The following YWHAZ variants were observed in gnomAD, a reference collection of about 807,000 sequenced individuals.
YWHAZ encodes the protein tyrosine 3-monooxygenase/tryptophan 5-monooxygenase activation protein zeta.
For missense variants in YWHAZ, 79 were observed against 284.8 expected (o/e 0.28, Z 5.20); for synonymous variants, 87 against 103.6 (o/e 0.84, Z 0.97).
At chr8:100,933,899 G>A (rs1411823308) in intron 2 of YWHAZ, among the ~76,000 whole-genome samples, 1 of 152,056 alleles carries the variant, frequency 6.6e-6, no homozygotes, top group East Asian at 1.9e-4. Flanking sequence ...GCTAACGCCT[G>A]TAATCCCAGC....
At position 100,920,806 on chromosome 8, in the gene YWHAZ, G is replaced by C. The variant is rs758260446; in HGVS notation, c.679-54C>G. 132 of 555,950 alleles carry C rather than the reference G, an allele frequency of 2.4e-4. 37 individuals carry two copies. In the Middle Eastern group the frequency reaches 5.0e-3, roughly 21 times the overall value. 34.4% of individuals were successfully genotyped at this position (555,950 alleles called of 1,614,324 possible). The stretch of plus-strand genomic sequence containing the variant: ...AAGTTTCAGTGGGATGGGGGGGGGG[G>C]GGCGTTTTCATATAAGTGCCAAGAT... On this transcript the variant is annotated intron_variant, in intron 5 of 5. Coordinates refer to ENST00000395958, the MANE Select transcript of YWHAZ (RefSeq NM_145690.3).
intron 2 of YWHAZ, among the ~76,000 whole-genome samples, chr8:100,945,047 A>G (rs927325569): frequency 3.9e-5 from 6 of 152,218 alleles, no homozygotes; most frequent in Admixed American, 3.3e-4. Context: ...TTAAAGAGGT[A>G]CTAGTGTTGA....
chr8:100,942,225 G>C (rs1460387021), intron 2 of YWHAZ, among the ~76,000 whole-genome samples: 3 of 152,132 alleles, frequency 2.0e-5, no homozygotes, highest in African/African-American at 7.2e-5. Context: ...CATGGCTTTG[G>C]TGCCTGAATG....
chr8:100,947,529 G>C (rs1253714458), intron 2 of YWHAZ, among the ~76,000 whole-genome samples: 2 of 152,150 alleles, frequency 1.3e-5, no homozygotes, highest in African/African-American at 4.8e-5. Flanking sequence ...AGTATCATTT[G>C]AGAAAATTAC....
chr8:100,921,908 A>C (rs974566995), intron 5 of YWHAZ, among the ~76,000 whole-genome samples: 7 of 152,268 alleles, frequency 4.6e-5, no homozygotes, highest in Non-Finnish European at 1.0e-4. Context: ...CTTACACATG[A>C]AAACGGAGGG....
chr8:100,933,931 T>C (rs138311495), intron 2 of YWHAZ, among the ~76,000 whole-genome samples: 11,782 of 151,492 alleles, frequency 0.078, 599 homozygotes, highest in African/African-American at 0.14. Context: ...CCGAGGTGGG[T>C]GGATCACTTG....
intron 2 of YWHAZ, among the ~76,000 whole-genome samples, chr8:100,941,177 T>C (rs1418475342): frequency 6.6e-6 from 1 of 152,244 alleles, no homozygotes; most frequent in Non-Finnish European, 1.5e-5. Flanking sequence ...TACCTTCAAC[T>C]GTCAATTCCA....
At chr8:100,950,477 C>G (rs1810635080) in intron 1 of YWHAZ, 1 of 985,486 alleles carries the variant, frequency 1.0e-6, no homozygotes, top group African/African-American at 1.7e-5. Context: ...ATTCTCCGGT[C>G]CGCGTATCGC....
chr8:100,933,293 A>T lies in YWHAZ; in HGVS notation c.295-8254T>A, dbSNP rs142418188. Among the ~76,000 whole-genome samples, 1,030 of 151,828 alleles carry T rather than the reference A, an allele frequency of 6.8e-3. 16 individuals carry two copies. The highest frequency in any genetic ancestry group is 0.024 in the African/African-American group (977 of 41,384). On this transcript the variant is annotated intron_variant, in intron 2 of 5. Transcript: ENST00000395958. Reference sequence around the variant, plus strand: ...AGAATCACTTGAACCTGGGAGGTGGATGTTGCAGTGAGCCGAGATTGTGCC... The same window carrying T: ...AGAATCACTTGAACCTGGGAGGTGGTTGTTGCAGTGAGCCGAGATTGTGCC...
chr8:100,948,170 C>A lies in YWHAZ; in HGVS notation c.294+426G>T, dbSNP rs1407592741. On this transcript the variant is annotated intron_variant, in intron 2 of 5. Coordinates refer to ENST00000395958, the MANE Select transcript of YWHAZ (RefSeq NM_145690.3). The surrounding 1 kb of genome is among the most constrained non-coding windows in gnomAD (Gnocchi z 4.2). ...TTACATTAACATTATAGCGGCTAAT[C>A]CTGAGAAGAGTACTATTTCTACAAT... is the stretch of plus-strand genomic sequence containing the variant. The A allele has an allele frequency of 1.3e-6, 2 of 1,525,142 alleles. No individual in the cohort carries two copies. Among genetic ancestry groups the A allele is most frequent in the Non-Finnish European group, 8.8e-7 (1 of 1,141,946 alleles). The allele number at this position is 1,525,142 out of a possible 1,614,324, so 94.5% of individuals were successfully genotyped here. A position where few individuals can be genotyped will look rare whatever the true frequency, so the allele number is the denominator to read the frequency against.
chr8:100,929,116 T>C (rs1317009342), intron 2 of YWHAZ, among the ~76,000 whole-genome samples: 1 of 152,176 alleles, frequency 6.6e-6, no homozygotes, highest in East Asian at 1.9e-4. Context: ...GTAAATATTT[T>C]GGGGGTGCAT....
chr8:100,953,300 A>T (rs1810929445), upstream of YWHAZ: 2 of 985,372 alleles, frequency 2.0e-6, no homozygotes, highest in African/African-American at 3.5e-5. Flanking sequence ...GGTTTGAGGG[A>T]CGTCGTAGTC....
At chr8:100,945,814 G>GGTTAGTAAAAGGTAAATGTTACATTC (rs1810224325) in intron 2 of YWHAZ, among the ~76,000 whole-genome samples, 2 of 152,154 alleles carry the variant, frequency 1.3e-5, no homozygotes, top group South Asian at 2.1e-4. Flanking sequence ...AAAAGAAAAA[G>GGTTAGTAAAAGGTAAATGTTACATTC]CTAGGGAAAT....
At chr8:100,951,456 C>T in intron 1 of YWHAZ, 1 of 976,184 alleles carries the variant, frequency 1.0e-6, no homozygotes, top group Non-Finnish European at 1.2e-6. Context: ...GCGGCCTCAC[C>T]TGCGCCACTG....
Position 100,924,018 on chromosome 8 carries a change from T to C in YWHAZ, c.615A>G (p.Thr205=). The C allele has an allele frequency of 1.9e-6, 3 of 1,612,018 alleles. No homozygotes were observed. Among genetic ancestry groups the C allele is most frequent in the Non-Finnish European group, 2.5e-6 (3 of 1,179,424 alleles). ...TGTCTTTGTATGACTCTTCACTTAA[T>C]GTATCAAGTTCAGCAATGGCTTCAT... ...AFDEAIAELD[T]LSEESYKDST... The change falls in exon 5 of 6, where the codon ACA becomes ACG. Residue 205 remains threonine (T), a synonymous_variant. Transcript: ENST00000395958. The surrounding 1 kb of genome is among the most constrained non-coding windows in gnomAD (Gnocchi z 5.7).
At chr8:100,934,304 G>A (rs77744520) in intron 2 of YWHAZ, among the ~76,000 whole-genome samples, 6,878 of 149,978 alleles carry the variant, frequency 0.046, 170 homozygotes, top group Non-Finnish European at 0.058. Flanking sequence ...CCAGCATGGG[G>A]GACAGAGGGA....
chr8:100,941,658 G>A (rs771055434), intron 2 of YWHAZ, among the ~76,000 whole-genome samples: 4 of 151,976 alleles, frequency 2.6e-5, no homozygotes, highest in South Asian at 2.1e-4. Context: ...GGTGGTGGGC[G>A]CCTGTAGTCC....
At chr8:100,947,127 G>A (rs892567228) in intron 2 of YWHAZ, among the ~76,000 whole-genome samples, 16 of 151,456 alleles carry the variant, frequency 1.1e-4, no homozygotes, top group African/African-American at 3.6e-4. Flanking sequence ...AGTGGCAGGC[G>A]CCTGTAGTCT....
intron 2 of YWHAZ, among the ~76,000 whole-genome samples, chr8:100,929,822 A>G (rs1813636645): frequency 1.3e-5 from 2 of 152,228 alleles, no homozygotes; most frequent in Admixed American, 6.5e-5. Flanking sequence ...AAAAAAATGA[A>G]TAAAAGAACA....
Sources: allele counts gnomAD v4.1 joint callset (sites outside exome capture counted in the v4.1 genomes callset), GRCh38; gene constraint gnomAD v4.1.1; non-coding constraint Gnocchi (gnomAD v3.1); transcripts MANE v1.5; gene names NCBI Gene and HGNC (gene_info 2026-07-23, HGNC 2026-07-21).